BMERB1: variants seen among roughly 807,000 people sequenced by gnomAD.
The protein encoded by BMERB1 is bMERB domain-containing protein 1.
A neutral mutation model predicts 23.6 loss-of-function variants in BMERB1; 12 were observed. The ratio of observed to expected loss-of-function variants is 0.51; its 90% CI spans 0.33 to 0.82. The LOEUF is 0.82. BMERB1 is among the 40% of genes least tolerant of loss of function. The pLI is 0.03. For synonymous variants in BMERB1, 122 were observed against 96.6 expected (o/e 1.26, Z -1.54); for missense variants, 247 against 255.4 (o/e 0.97, Z 0.22).
At chr16:15,435,588 G>T (rs2050881274) in intron 1 of BMERB1, among the ~76,000 whole-genome samples, 1 of 152,200 alleles carries the variant, frequency 6.6e-6, no homozygotes, top group Non-Finnish European at 1.5e-5. Context: ...CTCTCACATG[G>T]CTTGCCCACC....
chr16:15,481,063 G>T (rs1477966693), intron 1 of BMERB1, among the ~76,000 whole-genome samples: 1 of 152,130 alleles, frequency 6.6e-6, no homozygotes, highest in Non-Finnish European at 1.5e-5. Context: ...CTAAACTATG[G>T]TAGAACTTTA....
intron 1 of BMERB1, among the ~76,000 whole-genome samples, chr16:15,487,488 A>AG (rs2051378215): frequency 6.6e-6 from 1 of 152,180 alleles, no homozygotes; most frequent in Non-Finnish European, 1.5e-5. Context: ...GTTAAAGGAA[A>AG]GGGGTCCCGA....
At chr16:15,543,061 A>G (rs1054482765) in intron 2 of BMERB1, among the ~76,000 whole-genome samples, 2 of 152,086 alleles carry the variant, frequency 1.3e-5, no homozygotes, top group Non-Finnish European at 1.5e-5. Flanking sequence ...GGTCACATGG[A>G]CTTGAAGGAT....
chr16:15,491,427 C>T, intron 1 of BMERB1, among the ~76,000 whole-genome samples: 1 of 151,444 alleles, frequency 6.6e-6, no homozygotes, highest in East Asian at 2.0e-4. Context: ...GATCTTGGCT[C>T]ACTGCCTCAG....
At chr16:15,537,208 T>C (rs1415390044) in intron 2 of BMERB1, among the ~76,000 whole-genome samples, 1 of 152,204 alleles carries the variant, frequency 6.6e-6, no homozygotes, top group Non-Finnish European at 1.5e-5. Context: ...CCAAACAGAA[T>C]TTGTCATCAT....
At chr16:15,490,606 C>G (rs911711174) in intron 1 of BMERB1, among the ~76,000 whole-genome samples, 1 of 152,178 alleles carries the variant, frequency 6.6e-6, no homozygotes, top group Non-Finnish European at 1.5e-5. Flanking sequence ...TTAGACCCCA[C>G]TTTCTTGTCC....
intron 2 of BMERB1, among the ~76,000 whole-genome samples, chr16:15,532,121 CT>C (rs2051973487): frequency 6.6e-6 from 1 of 152,202 alleles, no homozygotes; most frequent in African/African-American, 2.4e-5. Context: ...TCTACTGTGT[CT>C]GTCCTCAGTC....
At chr16:15,481,869 T>TG (rs2051323372) in intron 1 of BMERB1, among the ~76,000 whole-genome samples, 1 of 151,140 alleles carries the variant, frequency 6.6e-6, no homozygotes, top group Admixed American at 6.6e-5. Flanking sequence ...GGATTACAGG[T>TG]GCCTGCCACC....
chr16:15,479,004 G>A (rs2051296742), intron 1 of BMERB1, among the ~76,000 whole-genome samples: 2 of 152,110 alleles, frequency 1.3e-5, no homozygotes, highest in Admixed American at 1.3e-4. Flanking sequence ...TTTGTTTTTT[G>A]TTTGCGTAGA....
chr16:15,520,828 G>C (rs549297181), intron 2 of BMERB1, among the ~76,000 whole-genome samples: 9 of 152,218 alleles, frequency 5.9e-5, no homozygotes, highest in African/African-American at 2.2e-4. Context: ...TGACCTTTCT[G>C]ATCTTAAAGC....
At position 15,581,140 on chromosome 16, in the gene BMERB1, C is replaced by G. The variant is rs983934177; in HGVS notation, c.305-77C>G. 2.8e-6 allele frequency: 3 copies of G among 1,069,348 alleles called. No individual in the cohort carries two copies. The Admixed American group carries it at 6.7e-5, about 24-fold the overall frequency. The allele number at this position is 1,069,348 out of a possible 1,614,324, so 66.2% of individuals were successfully genotyped here. A position where few individuals can be genotyped will look rare whatever the true frequency, so the allele number is the denominator to read the frequency against. The stretch of plus-strand genomic sequence containing the variant: ...CCATGTTGACCAGGCTGGTCTGAAA[C>G]TCCTGACCTCAAGTGATCCGCCCAC... On this transcript the variant is annotated intron_variant, in intron 3 of 5. Coordinates refer to ENST00000300006, the MANE Select transcript of BMERB1 (RefSeq NM_033201.3).
chr16:15,528,936 G>A (rs2051938410), intron 2 of BMERB1, among the ~76,000 whole-genome samples: 1 of 152,144 alleles, frequency 6.6e-6, no homozygotes, highest in Non-Finnish European at 1.5e-5. Flanking sequence ...CTATCTATGA[G>A]GAAGAGGTCC....
intron 1 of BMERB1, among the ~76,000 whole-genome samples, chr16:15,465,346 G>GAT (rs145689655): frequency 0.23 from 27,033 of 116,840 alleles, 3,301 homozygotes; most frequent in East Asian, 0.48. Context: ...TCAATGCTAA[G>GAT]ATATATATTT....
chr16:15,469,034 C>CA (rs1423541463), intron 1 of BMERB1, among the ~76,000 whole-genome samples: 1 of 146,600 alleles, frequency 6.8e-6, no homozygotes, highest in East Asian at 2.0e-4. Context: ...GTGGTGCAGT[C>CA]ACAGCTCACT....
At chr16:15,443,250 G>A (rs1422549234) in intron 1 of BMERB1, among the ~76,000 whole-genome samples, 1 of 112,896 alleles carries the variant, frequency 8.9e-6, no homozygotes, top group African/African-American at 3.0e-5. Flanking sequence ...CTGAGACCCT[G>A]TCTCAAAAAA....
rs1449265116 is a variant in BMERB1, at chr16:15,540,456, G to A, written c.230+25028G>A. On this transcript the variant is annotated intron_variant, in intron 2 of 5. Transcript: ENST00000300006. ...CATGAGAATCACTTGAACCTGAGAGGTGGAGGTTGCAGTGAGCTGAGATTG... is the reference window on the plus strand; with the variant it reads ...CATGAGAATCACTTGAACCTGAGAGATGGAGGTTGCAGTGAGCTGAGATTG... Among the ~76,000 whole-genome samples, 4 of 152,042 alleles carry A rather than the reference G, an allele frequency of 2.6e-5. No homozygotes were observed. The South Asian group carries it at 6.2e-4, about 24-fold the overall frequency.
At chr16:15,453,096 C>G (rs537802624) in intron 1 of BMERB1, among the ~76,000 whole-genome samples, 12 of 151,872 alleles carry the variant, frequency 7.9e-5, no homozygotes, top group African/African-American at 2.9e-4. Flanking sequence ...CACTTGAATC[C>G]GGGAGACGGA....
At chr16:15,507,009 A>T (rs1432448037) in intron 1 of BMERB1, among the ~76,000 whole-genome samples, 2 of 152,228 alleles carry the variant, frequency 1.3e-5, no homozygotes, top group Non-Finnish European at 2.9e-5. Flanking sequence ...GATATGAGCT[A>T]GATCATGGCT....
chr16:15,556,140 T>C (rs990407175), intron 2 of BMERB1, among the ~76,000 whole-genome samples: 9 of 150,986 alleles, frequency 6.0e-5, no homozygotes, highest in Non-Finnish European at 1.3e-4. Context: ...ATCCCGCCAT[T>C]GCACTACAGC....
Sources: allele counts gnomAD v4.1 joint callset (sites outside exome capture counted in the v4.1 genomes callset), GRCh38; gene constraint gnomAD v4.1.1; transcripts MANE v1.5; gene names NCBI Gene and HGNC (gene_info 2026-07-23, HGNC 2026-07-21).